The following BRINP3 variants were observed in gnomAD, a reference collection of about 807,000 sequenced individuals.
The protein encoded by BRINP3 is BMP/retinoic acid inducible neural specific 3.
BRINP3 carries 19 observed loss-of-function variants against 71.0 expected under a neutral mutation model. The observed-to-expected ratio is 0.27, with a 90% CI of 0.19 to 0.39. The LOEUF (loss-of-function observed/expected upper bound fraction) is 0.39, where lower values mean the gene tolerates loss of function less well. BRINP3 is among the 10% of genes least tolerant of loss of function. The pLI, the probability that BRINP3 is intolerant of heterozygous loss-of-function variation, is 1.00. For missense variants in BRINP3, 959 were observed against 940.8 expected, an observed-to-expected ratio of 1.02 and a Z score of -0.25; for synonymous variants, 380 against 337.7, an observed-to-expected ratio of 1.13 and a Z score of -1.37.
At chr1:190,148,132 T>G (rs1241355162) in intron 7 of BRINP3, among the ~76,000 whole-genome samples, 1 of 152,160 alleles carries the variant, frequency 6.6e-6, no homozygotes, top group Non-Finnish European at 1.5e-5. Context: ...CAATTCTATT[T>G]TATATATTTT....
At chr1:190,358,706 T>C (rs1219743900) in intron 2 of BRINP3, among the ~76,000 whole-genome samples, 1 of 152,118 alleles carries the variant, frequency 6.6e-6, no homozygotes, top group African/African-American at 2.4e-5. Flanking sequence ...TAAAGACACA[T>C]GACACGTATG....
At chr1:190,353,463 A>G (rs1035087596) in intron 2 of BRINP3, among the ~76,000 whole-genome samples, 2 of 152,036 alleles carry the variant, frequency 1.3e-5, no homozygotes, top group Non-Finnish European at 2.9e-5. Context: ...TTTAATTAAA[A>G]TTTGACTATC....
At chr1:190,240,852 A>G (rs1345443167) in intron 4 of BRINP3, among the ~76,000 whole-genome samples, 1 of 146,578 alleles carries the variant, frequency 6.8e-6, no homozygotes, top group African/African-American at 2.5e-5. Flanking sequence ...ATCCTGGGCA[A>G]TAAGAGTGAA....
chr1:190,379,997 C>CAA (rs34329313), intron 2 of BRINP3, among the ~76,000 whole-genome samples: 37,463 of 100,466 alleles, frequency 0.37, 7,466 homozygotes, highest in Admixed American at 0.49. Context: ...GACTCCACCT[C>CAA]AAAAAAAAAA....
chr1:190,336,153 C>A (rs1408330382), intron 2 of BRINP3, among the ~76,000 whole-genome samples: 1 of 151,978 alleles, frequency 6.6e-6, no homozygotes, highest in African/African-American at 2.4e-5. Flanking sequence ...TCCATCACTA[C>A]TCTCCCTCAT....
At chr1:190,123,131 C>T (rs1275475431) in intron 7 of BRINP3, among the ~76,000 whole-genome samples, 2 of 152,070 alleles carry the variant, frequency 1.3e-5, no homozygotes, top group South Asian at 2.1e-4. Flanking sequence ...TTGTTCGCCC[C>T]CCTCGAGGAG....
At chr1:190,344,077 G>A (rs182179438) in intron 2 of BRINP3, among the ~76,000 whole-genome samples, 56 of 151,544 alleles carry the variant, frequency 3.7e-4, no homozygotes, top group Non-Finnish European at 5.6e-4. Context: ...GTGATAAAAC[G>A]AACTATGTTT....
intron 2 of BRINP3, among the ~76,000 whole-genome samples, chr1:190,395,290 T>G (rs1037431169): frequency 6.6e-6 from 1 of 151,628 alleles, no homozygotes; most frequent in African/African-American, 2.4e-5. Context: ...CTTAATGTAA[T>G]GAAAAACATG....
At chr1:190,427,896 T>A (rs1673828492) in intron 2 of BRINP3, among the ~76,000 whole-genome samples, 2 of 149,498 alleles carry the variant, frequency 1.3e-5, no homozygotes, top group Non-Finnish European at 3.0e-5. Context: ...CTTCCTCCCA[T>A]CCCCCATGCC....
chr1:190,155,247 T>G (rs1177043320), intron 7 of BRINP3, among the ~76,000 whole-genome samples: 1 of 152,098 alleles, frequency 6.6e-6, no homozygotes, highest in East Asian at 1.9e-4. Context: ...ACATCTCACT[T>G]TATTTTGTTA....
intron 2 of BRINP3, among the ~76,000 whole-genome samples, chr1:190,288,253 A>G (rs1313668260): frequency 2.6e-5 from 4 of 152,002 alleles, no homozygotes; most frequent in Non-Finnish European, 5.9e-5. Context: ...AGACAAGTCA[A>G]GAGGCATAGA....
chr1:190,187,530 T>C (rs1421335065), intron 6 of BRINP3, among the ~76,000 whole-genome samples: 1 of 152,120 alleles, frequency 6.6e-6, no homozygotes, highest in African/African-American at 2.4e-5. Flanking sequence ...TTTAATTATT[T>C]AATCTATTTT....
intron 6 of BRINP3, among the ~76,000 whole-genome samples, chr1:190,188,330 T>A (rs1653722879): frequency 6.6e-6 from 1 of 152,174 alleles, no homozygotes; most frequent in Admixed American, 6.5e-5. Context: ...TTTCACATAT[T>A]CCTTTATAAT....
At chr1:190,102,482 C>A (rs1651785973) in intron 7 of BRINP3, among the ~76,000 whole-genome samples, 2 of 152,110 alleles carry the variant, frequency 1.3e-5, no homozygotes, top group Admixed American at 1.3e-4. Context: ...TTACGGTCTA[C>A]TTGGGCTAAG....
intron 2 of BRINP3, among the ~76,000 whole-genome samples, chr1:190,315,693 T>A (rs1398346372): frequency 1.3e-5 from 2 of 152,132 alleles, no homozygotes; most frequent in African/African-American, 4.8e-5. Flanking sequence ...TTGATGGACA[T>A]AACTCTGCTA....
intron 6 of BRINP3, among the ~76,000 whole-genome samples, chr1:190,199,279 A>G (rs752757910): frequency 7.2e-5 from 11 of 152,158 alleles, no homozygotes; most frequent in Non-Finnish European, 1.0e-4. Context: ...ACAGAGCTAA[A>G]CCATATGAAT....
chr1:190,387,038 T>C (rs746212545), intron 2 of BRINP3, among the ~76,000 whole-genome samples: 1 of 151,958 alleles, frequency 6.6e-6, no homozygotes, highest in Non-Finnish European at 1.5e-5. Context: ...GGGTAGAGGT[T>C]TCTAATCTTC....
chr1:190,326,180 C>T (rs1666567796), intron 2 of BRINP3, among the ~76,000 whole-genome samples: 2 of 152,042 alleles, frequency 1.3e-5, no homozygotes, highest in South Asian at 4.1e-4. Context: ...ATAACAGAAG[C>T]ATTTCTGCAC....
Position 190,471,403 on chromosome 1 carries a change from C to G in BRINP3, c.-51+6045G>C, listed in dbSNP as rs572944799. On this transcript the variant is annotated intron_variant, in intron 1 of 7. Coordinates refer to ENST00000367462, the MANE Select transcript of BRINP3 (RefSeq NM_199051.3). ...TTATCCATTAGCAATCAATAATATTCACATAGATTATTTGTTATTTTGCTT... is the reference window on the plus strand; with the variant it reads ...TTATCCATTAGCAATCAATAATATTGACATAGATTATTTGTTATTTTGCTT... Among the ~76,000 whole-genome samples the G allele has an allele frequency of 5.3e-5, 8 of 151,294 alleles. No homozygotes were observed. The South Asian group carries it at 1.7e-3, about 31-fold the overall frequency.
Sources: gnomAD v4.1 joint callset for allele counts (sites outside exome capture counted in the v4.1 genomes callset) on GRCh38, gnomAD v4.1.1 for gene constraint, MANE v1.5 for transcripts, NCBI Gene and HGNC (gene_info 2026-07-23, HGNC 2026-07-21) for gene names.